The following CELF2 variants were observed in gnomAD, a reference collection of about 807,000 sequenced individuals.
The protein encoded by CELF2 is CUGBP Elav-like family member 2, also known as CUG triplet repeat RNA-binding protein 2.
A neutral mutation model predicts 62.6 loss-of-function variants in CELF2; 8 were observed. The observed-to-expected ratio is 0.13, with a 90% confidence interval of 0.07 to 0.23. The LOEUF is 0.23. CELF2 is among the 10% of genes least tolerant of loss of function. The pLI is 1.00. For missense variants in CELF2, 333 were observed against 671.0 expected, an observed-to-expected ratio of 0.50 and a Z score of 5.56; for synonymous variants, 258 against 250.0, an observed-to-expected ratio of 1.03 and a Z score of -0.30.
rs2096045278 is a variant in CELF2, at chr10:11,332,437, T to G, written c.*3384T>G. On this transcript the variant is annotated 3_prime_UTR_variant, in exon 13 of 13. Transcript: ENST00000633077. Reference sequence around the variant, plus strand: ...AGCCCTTTCCCAGCCTTTTTGGTTTTTTTAATTGAACACATTTCATCTAAG... The same window carrying G: ...AGCCCTTTCCCAGCCTTTTTGGTTTGTTTAATTGAACACATTTCATCTAAG... The G allele has an allele frequency of 6.6e-6, 1 of 152,584 alleles. No homozygotes were observed. The highest frequency in any genetic ancestry group is 2.4e-5 in the African/African-American group (1 of 41,458). 9.5% of individuals were successfully genotyped at this position (152,584 alleles called of 1,614,324 possible). A position where few individuals can be genotyped will look rare whatever the true frequency, so the allele number is the denominator to read the frequency against.
chr10:10,944,420 A>G (rs1432788038), intron 2 of CELF2: 1 of 152,632 alleles, frequency 6.6e-6, no homozygotes, highest in African/African-American at 2.4e-5. Flanking sequence ...TGCACACAGA[A>G]GCAGCCTTGG....
At position 11,302,206 on chromosome 10, in the gene CELF2, C is replaced by G. The variant is rs1478221427; in HGVS notation, c.977-11933C>G. Among the ~76,000 whole-genome samples the G allele has an allele frequency of 6.6e-6, 1 of 152,220 alleles. No individual in the cohort carries two copies. The highest frequency in any genetic ancestry group is 1.5e-5 in the Non-Finnish European group (1 of 68,034). Reference sequence around the variant, plus strand: ...TTGCCCTTTCCTGTCACAAACCAAACCTTCCCACTCCCTGCAGCCTCTCAC... The same window carrying G: ...TTGCCCTTTCCTGTCACAAACCAAAGCTTCCCACTCCCTGCAGCCTCTCAC... On this transcript the variant is annotated intron_variant, in intron 9 of 12. Coordinates refer to ENST00000633077, the MANE Select transcript of CELF2 (RefSeq NM_001326342.2). This position sits in a 1 kb window ranked among gnomAD's most constrained non-coding sequence, Gnocchi z 5.0.
At chr10:10,933,002 A>G (rs935935286) in intron 2 of CELF2, among the ~76,000 whole-genome samples, 2 of 152,176 alleles carry the variant, frequency 1.3e-5, no homozygotes, top group Non-Finnish European at 2.9e-5. Context: ...CTTTTTAAAA[A>G]ATTGACACAA....
intron 3 of CELF2, among the ~76,000 whole-genome samples, chr10:11,245,719 T>C (rs2075388524): frequency 6.6e-6 from 1 of 152,176 alleles, no homozygotes; most frequent in Non-Finnish European, 1.5e-5. Context: ...GTCATACAGC[T>C]ATAGAGATCA....
At chr10:10,818,965 A>T (rs1041271019) in intron 1 of CELF2, among the ~76,000 whole-genome samples, 8 of 152,200 alleles carry the variant, frequency 5.3e-5, no homozygotes, top group Non-Finnish European at 8.8e-5. Flanking sequence ...GTAGAGGTAC[A>T]GTCAACTGAA....
At chr10:11,087,221 T>G (rs1452746996) in intron 1 of CELF2, among the ~76,000 whole-genome samples, 1 of 152,208 alleles carries the variant, frequency 6.6e-6, no homozygotes, top group Non-Finnish European at 1.5e-5. Context: ...GGAATGCTCT[T>G]CATATACCGG....
At chr10:11,099,491 G>A (rs1379847488) in intron 1 of CELF2, among the ~76,000 whole-genome samples, 1 of 152,116 alleles carries the variant, frequency 6.6e-6, no homozygotes, top group African/African-American at 2.4e-5. Flanking sequence ...TCTTTACGAG[G>A]TCTTTGCCTT....
chr10:10,696,287 T>C, the CELF2 span, among the ~76,000 whole-genome samples: 2 of 151,836 alleles, frequency 1.3e-5, no homozygotes, highest in East Asian at 1.9e-4. Context: ...GTGCCCCTGC[T>C]GGGGGGTGCC....
intron 1 of CELF2, among the ~76,000 whole-genome samples, chr10:10,832,998 C>T (rs1430209403): frequency 5.5e-5 from 8 of 145,934 alleles, no homozygotes. Context: ...GAGCCTCCTA[C>T]AGACACAGAA....
chr10:10,585,643 G>A, the CELF2 span, among the ~76,000 whole-genome samples: 4 of 152,088 alleles, frequency 2.6e-5, no homozygotes, highest in African/African-American at 7.2e-5. Context: ...TTTTGATTAC[G>A]CTCCCTTTGT....
At chr10:10,898,356 G>A (rs2062708607) in intron 1 of CELF2, among the ~76,000 whole-genome samples, 1 of 152,166 alleles carries the variant, frequency 6.6e-6, no homozygotes, top group Non-Finnish European at 1.5e-5. Flanking sequence ...TGGACTTCTG[G>A]CCTCCAGAAA....
the CELF2 span, among the ~76,000 whole-genome samples, chr10:10,556,961 A>G: frequency 1.4e-5 from 2 of 141,930 alleles, no homozygotes; most frequent in Non-Finnish European, 3.1e-5. Flanking sequence ...AGGTTGCGAA[A>G]ATTTTCTCCC....
intron 1 of CELF2, among the ~76,000 whole-genome samples, chr10:11,064,554 G>A (rs186715640): frequency 1.1e-4 from 16 of 152,292 alleles, no homozygotes; most frequent in Non-Finnish European, 2.2e-4. Flanking sequence ...TTAAACCATA[G>A]TGAACCCATC....
the CELF2 span, among the ~76,000 whole-genome samples, chr10:10,656,959 T>A: frequency 1.8e-3 from 265 of 149,324 alleles, no homozygotes; most frequent in African/African-American, 6.4e-3. Flanking sequence ...ACAAAAAAAC[T>A]TACACATTAA....
At chr10:10,525,226 CA>C in the CELF2 span, among the ~76,000 whole-genome samples, 28 of 152,308 alleles carry the variant, frequency 1.8e-4, no homozygotes, top group Non-Finnish European at 2.5e-4. Flanking sequence ...TAAAGCTCCA[CA>C]GTTCATTCTT....
chr10:11,054,333 G>A (rs1009869359), intron 1 of CELF2, among the ~76,000 whole-genome samples: 3 of 152,094 alleles, frequency 2.0e-5, no homozygotes, highest in Admixed American at 6.6e-5. Flanking sequence ...GTGGTCTCAC[G>A]AGGAAGAGGC....
chr10:10,939,264 C>G, intron 2 of CELF2, among the ~76,000 whole-genome samples: 1 of 115,608 alleles, frequency 8.6e-6, no homozygotes. Context: ...TTAGCAAGTT[C>G]TTTTGTTTTG....
the CELF2 span, among the ~76,000 whole-genome samples, chr10:10,580,488 T>C: frequency 6.6e-6 from 1 of 152,156 alleles, no homozygotes; most frequent in Admixed American, 6.5e-5. Flanking sequence ...CCTTAAATGT[T>C]AGTATGGTTT....
intron 1 of CELF2, among the ~76,000 whole-genome samples, chr10:10,856,861 T>A (rs1375393257): frequency 6.6e-6 from 1 of 152,184 alleles, no homozygotes. Flanking sequence ...TTCATTTTCA[T>A]GCTTGATGGA....
Sources: gnomAD v4.1 joint callset for allele counts (sites outside exome capture counted in the v4.1 genomes callset) on GRCh38, gnomAD v4.1.1 for gene constraint, Gnocchi (gnomAD v3.1) non-coding constraint, MANE v1.5 for transcripts, NCBI Gene and HGNC (gene_info 2026-07-23, HGNC 2026-07-21) for gene names.